Variants in VPS13D observed in about 807,000 individuals in gnomAD.
VPS13D encodes vacuolar protein sorting 13 homolog D.
Under a neutral mutation model 461.9 loss-of-function variants are expected in VPS13D, and 187 were observed. The observed-to-expected ratio is 0.40, with a 90% CI of 0.36 to 0.46. The LOEUF is 0.46. VPS13D is among the 20% of genes least tolerant of loss of function. The pLI, the probability that VPS13D is intolerant of heterozygous loss-of-function variation, is 0.60. For missense variants in VPS13D, 4,711 were observed against 5,364.9 expected (o/e 0.88, Z 3.81); for synonymous variants, 1,951 against 1,986.3 (o/e 0.98, Z 0.47).
intron 65 of VPS13D, among the ~76,000 whole-genome samples, chr1:12,423,168 C>G (rs1020354910): frequency 2.0e-5 from 3 of 152,152 alleles, no homozygotes; most frequent in South Asian, 4.1e-4. Context: ...ATCAGAATTA[C>G]CTGGTCAGTA....
intron 57 of VPS13D, 57 bp from the exon 58 acceptor site, chr1:12,382,919 T>G: frequency 1.3e-6 from 2 of 1,522,468 alleles, no homozygotes; most frequent in Non-Finnish European, 1.8e-6. Context: ...ATGTGTTAAC[T>G]TGTCAAAGTC....
rs531137821 is a variant in VPS13D, at chr1:12,490,790, C to T, written c.12663-6710C>T. On this transcript the variant is annotated intron_variant, in intron 67 of 69. Coordinates refer to ENST00000620676, the MANE Select transcript of VPS13D (RefSeq NM_015378.4). ...ACAGGTCCGAGATAGATGCAGCCCA[C>T]GGCATGGTGGGAGCTACAGGTCCAA... Among the ~76,000 whole-genome samples the T allele has an allele frequency of 3.3e-3, 493 of 149,724 alleles. 6 individuals are homozygous for T. The highest frequency in any genetic ancestry group is 0.011 in the African/African-American group (463 of 40,586).
Position 12,456,087 on chromosome 1 carries a change from A to G in VPS13D, c.12423A>G (p.Thr4141=), listed in dbSNP as rs1480541134. Residue 4141 remains threonine (T), a synonymous_variant, in exon 66 of 70, where the codon ACA becomes ACG. Transcript: ENST00000620676. ...EREYIRYHAA[T]SGEHLVAGIH... ...AGTACATCAGGTACCATGCAGCCAC[A>G]AGTGGTGAACACCTTGTAGCCGGCA... 2 of 1,613,860 alleles carry G rather than the reference A, an allele frequency of 1.2e-6. No homozygotes were observed. The highest frequency in any genetic ancestry group is 1.7e-6 in the Non-Finnish European group (2 of 1,179,930).
rs1384248321 is a variant in VPS13D, at chr1:12,293,513, C to T, written c.5853-11C>T. On this transcript the variant is annotated splice_polypyrimidine_tract_variant and intron_variant, in intron 23 of 69. Transcript: ENST00000620676. ...CTGTTATCTGAGTCACACTTTTATC[C>T]TAATTTTTAGATACGGACGGCCTGA... 6.3e-7 allele frequency: 1 copy of T among 1,583,888 alleles called. No homozygotes were observed. The highest frequency in any genetic ancestry group is 8.6e-7 in the Non-Finnish European group (1 of 1,162,504).
intron 13 of VPS13D, among the ~76,000 whole-genome samples, chr1:12,263,393 TTC>T (rs985812660): frequency 6.6e-6 from 1 of 152,218 alleles, no homozygotes; most frequent in African/African-American, 2.4e-5. Context: ...TTGAATTTTT[TTC>T]TGCTCTGTGA....
chr1:12,237,493 C>G (rs1462455183), intron 2 of VPS13D, among the ~76,000 whole-genome samples: 2 of 145,336 alleles, frequency 1.4e-5, no homozygotes, highest in African/African-American at 5.1e-5. Flanking sequence ...ATGCTTTTCC[C>G]CCAAAAATTT....
rs1419792043 is a variant in VPS13D at position 12,288,255 on chromosome 1, C to T, written c.5667C>T (p.Thr1889=). 1.9e-6 allele frequency: 3 copies of T among 1,614,048 alleles called. No individual in the cohort carries two copies. The highest frequency in any genetic ancestry group is 1.1e-5 in the South Asian group (1 of 91,056). Reference sequence around the variant, plus strand: ...CACTTTCTCTAGTGCTGAATAAGACCACCAGTGAGCTTGCCAAAGCAAATG... The same window carrying T: ...CACTTTCTCTAGTGCTGAATAAGACTACCAGTGAGCTTGCCAAAGCAAATG... The part of the protein sequence containing the change: ...VHSLSLVLNK[T]TSELAKANVS... Residue 1889 remains threonine, a synonymous_variant, in exon 22 of 70, where the codon ACC becomes ACT. Coordinates refer to ENST00000620676, the MANE Select transcript of VPS13D (RefSeq NM_015378.4).
chr1:12,442,732 AGACT>A lies in VPS13D; in HGVS notation c.12334-13265_12334-13262del, dbSNP rs546506741. Among the ~76,000 whole-genome samples the A allele has an allele frequency of 1.1e-4, 17 of 151,862 alleles. No individual in the cohort carries two copies. The East Asian group carries it at 3.3e-3, about 29-fold the overall frequency. ...CCCACCTCAGCCTCCTGAGTAACTG[AGACT>A]ACAGGTGCATGCCACCACGCCCAGC... On this transcript the variant is annotated intron_variant, in intron 65 of 69. Transcript: ENST00000620676.
chr1:12,313,990 A>T, intron 29 of VPS13D, 125 bp from the exon 30 acceptor site: 1 of 773,902 alleles, frequency 1.3e-6, no homozygotes, highest in Non-Finnish European at 2.1e-6. Context: ...ACTCAGAATG[A>T]AAGTTATTCT....
intron 63 of VPS13D, among the ~76,000 whole-genome samples, chr1:12,404,602 A>G (rs1410897063): frequency 2.0e-5 from 3 of 152,208 alleles, no homozygotes; most frequent in African/African-American, 7.2e-5. Flanking sequence ...TATCTTCATC[A>G]AGGAAGAAAG....
At chr1:12,373,020 T>G (rs1644143129) in intron 54 of VPS13D, among the ~76,000 whole-genome samples, 1 of 150,954 alleles carries the variant, frequency 6.6e-6, no homozygotes, top group African/African-American at 2.4e-5. Flanking sequence ...TTGCCAAGAC[T>G]TGGGGATGCA....
chr1:12,440,396 G>A (rs1464756086), intron 65 of VPS13D, among the ~76,000 whole-genome samples: 1 of 152,210 alleles, frequency 6.6e-6, no homozygotes, highest in Non-Finnish European at 1.5e-5. Context: ...CAGCTTGAAT[G>A]CGAGGGAAAG....
At chr1:12,481,344 G>T (rs1645713642) in intron 67 of VPS13D, among the ~76,000 whole-genome samples, 1 of 152,132 alleles carries the variant, frequency 6.6e-6, no homozygotes, top group Non-Finnish European at 1.5e-5. Context: ...TCCCCTCCGT[G>T]CCCAACCCCT....
intron 43 of VPS13D, among the ~76,000 whole-genome samples, chr1:12,346,043 A>C (rs1643668355): frequency 6.6e-6 from 1 of 152,176 alleles, no homozygotes; most frequent in Admixed American, 6.5e-5. Context: ...TGACTTGTAC[A>C]TGCAGGTGGA....
At chr1:12,381,441 G>A (rs1407038788) in intron 57 of VPS13D, among the ~76,000 whole-genome samples, 32 of 152,104 alleles carry the variant, frequency 2.1e-4, no homozygotes, top group Admixed American at 2.1e-3. Flanking sequence ...CGATTTACTT[G>A]GGGCATGTAG....
chr1:12,455,879 A>G (rs1645319573), intron 65 of VPS13D, 119 bp from the exon 66 acceptor site: 3 of 1,282,434 alleles, frequency 2.3e-6, no homozygotes, highest in South Asian at 3.5e-5. Context: ...AGATCACACC[A>G]CTACAGACCA....
intron 67 of VPS13D, among the ~76,000 whole-genome samples, chr1:12,460,667 T>C (rs564440384): frequency 6.6e-6 from 1 of 150,808 alleles, no homozygotes; most frequent in African/African-American, 2.4e-5. Flanking sequence ...ATATTATATA[T>C]AAGTATGTAT....
At chr1:12,249,366 A>G (rs1039195769) in intron 6 of VPS13D, 27 bp downstream of exon 6, 2 of 1,576,470 alleles carry the variant, frequency 1.3e-6, no homozygotes, top group African/African-American at 2.7e-5. Flanking sequence ...ATGACAAAGC[A>G]GGAAGAAAGC....
At chr1:12,301,000 T>A (rs924666746) in intron 25 of VPS13D, among the ~76,000 whole-genome samples, 3 of 152,226 alleles carry the variant, frequency 2.0e-5, no homozygotes, top group Admixed American at 2.0e-4. Flanking sequence ...GTATAATAGC[T>A]AATAACGTAG....
Sources: allele counts gnomAD v4.1 joint callset (sites outside exome capture counted in the v4.1 genomes callset), GRCh38; gene constraint gnomAD v4.1.1; transcripts MANE v1.5; gene names NCBI Gene and HGNC (gene_info 2026-07-23, HGNC 2026-07-21).